RAB3GAP2: variants seen among roughly 807,000 people sequenced by gnomAD.
RAB3GAP2 encodes RAB3 GTPase activating non-catalytic protein subunit 2.
In RAB3GAP2, 87 loss-of-function variants were observed where a neutral mutation model predicts 185.3. The ratio of observed to expected loss-of-function variants is 0.47; its 90% confidence interval spans 0.39 to 0.56. The LOEUF (loss-of-function observed/expected upper bound fraction) is 0.56, where lower values mean the gene tolerates loss of function less well. RAB3GAP2 is among the 20% of genes least tolerant of loss of function. The pLI is 0.00. For missense variants in RAB3GAP2, 1,492 were observed against 1,638.2 expected, an observed-to-expected ratio of 0.91 and a Z score of 1.54; for synonymous variants, 554 against 576.1, an observed-to-expected ratio of 0.96 and a Z score of 0.55.
At chr1:220,159,970 T>C (rs1657935184) in intron 28 of RAB3GAP2, among the ~76,000 whole-genome samples, 2 of 151,982 alleles carry the variant, frequency 1.3e-5, no homozygotes, top group East Asian at 1.9e-4. Context: ...TGAGCCAAGA[T>C]TGTGCCACTG....
In RAB3GAP2 at chr1:220,213,736, G is replaced by GA. The variant is rs1418367107; in HGVS notation, c.304+119_304+120insT. The GA allele has an allele frequency of 8.5e-6, 8 of 943,918 alleles. No individual in the cohort carries two copies. In the African/African-American group the frequency reaches 1.0e-4, roughly 12 times the overall value. The allele number at this position is 943,918 out of a possible 1,614,324, so 58.5% of individuals were successfully genotyped here. A position where few individuals can be genotyped will look rare whatever the true frequency, so the allele number is the denominator to read the frequency against. On this transcript the variant is annotated intron_variant, in intron 3 of 34. Transcript: ENST00000358951. Reference sequence around the variant, plus strand: ...GGGAGGGGGCGGAGGAGGAGTTGGGGGGGGGGGGAGAGAGAGAGAAATAAA... The same window carrying GA: ...GGGAGGGGGCGGAGGAGGAGTTGGGGAGGGGGGGGAGAGAGAGAGAAATAAA...
chr1:220,149,023 T>C lies in RAB3GAP2; in HGVS notation c.*2228A>G, dbSNP rs1412552331. On this transcript the variant is annotated 3_prime_UTR_variant, in exon 35 of 35. Coordinates refer to ENST00000358951, the MANE Select transcript of RAB3GAP2 (RefSeq NM_012414.4). ...TGGCTTCTCATCAATAACTACAAAGTACCACATACCTTTGTTTCAGAAACC... is the reference window on the plus strand; with the variant it reads ...TGGCTTCTCATCAATAACTACAAAGCACCACATACCTTTGTTTCAGAAACC... 6.6e-6 allele frequency: 1 copy of C among 152,212 alleles called. No individual in the cohort carries two copies. Among genetic ancestry groups the C allele is most frequent in the East Asian group, 1.9e-4 (1 of 5,204 alleles). 9.4% of individuals were successfully genotyped at this position (152,212 alleles called of 1,614,324 possible).
intron 1 of RAB3GAP2, among the ~76,000 whole-genome samples, chr1:220,270,241 T>A (rs931913678): frequency 2.6e-5 from 4 of 152,234 alleles, no homozygotes; most frequent in Admixed American, 6.5e-5. Flanking sequence ...TTCTCAGTCT[T>A]CTTCCCAGTA....
rs1438141562 is a variant in RAB3GAP2, at chr1:220,267,592, T to G, written c.115+4631A>C. 36 of 1,367,902 alleles carry G rather than the reference T, an allele frequency of 2.6e-5. No individual in the cohort carries two copies. The East Asian group carries it at 8.0e-4, about 31-fold the overall frequency. 84.7% of individuals were successfully genotyped at this position (1,367,902 alleles called of 1,614,324 possible). A position where few individuals can be genotyped will look rare whatever the true frequency, so the allele number is the denominator to read the frequency against. On this transcript the variant is annotated intron_variant, in intron 1 of 34. Transcript: ENST00000358951. ...TTTGATGCCAGTTCCTCCTCAGGAT[T>G]ATTTTCAGGTGCCGACAGCGGGGAC...
In RAB3GAP2 at chr1:220,183,423, T is replaced by A. The variant is rs550080640; in HGVS notation, c.1999-492A>T. ...ACCACCACATCCAGCTAATTAAAAA[T>A]TTTTTTTTTTGTAGAGGCAGGGTCC... On this transcript the variant is annotated intron_variant, in intron 19 of 34. Transcript: ENST00000358951. Among the ~76,000 whole-genome samples, 130 of 147,892 alleles carry A rather than the reference T, an allele frequency of 8.8e-4. No homozygotes were observed. In the South Asian group the frequency reaches 9.1e-3, roughly 10 times the overall value.
chr1:220,219,126 C>T (rs1006820197), intron 2 of RAB3GAP2, among the ~76,000 whole-genome samples: 12 of 152,058 alleles, frequency 7.9e-5, no homozygotes, highest in African/African-American at 2.2e-4. Context: ...GGGAGAAATC[C>T]TCAGGTAAAT....
intron 2 of RAB3GAP2, among the ~76,000 whole-genome samples, chr1:220,229,668 GA>G (rs1193130639): frequency 1.3e-5 from 2 of 152,138 alleles, no homozygotes; most frequent in African/African-American, 4.8e-5. Context: ...ATCCATTACA[GA>G]AAAAGCCAAG....
At chr1:220,183,007 T>C (rs1441741975) in intron 19 of RAB3GAP2, 76 bp from the exon 20 acceptor site, 4 of 1,278,898 alleles carry the variant, frequency 3.1e-6, no homozygotes, top group East Asian at 2.4e-5. Flanking sequence ...TTCAAGGCTG[T>C]AAGCAAAAGT....
intron 33 of RAB3GAP2, among the ~76,000 whole-genome samples, chr1:220,152,445 G>A (rs984218972): frequency 6.6e-5 from 10 of 152,092 alleles, no homozygotes; most frequent in African/African-American, 1.9e-4. Context: ...GCCATGGCCC[G>A]GGCCAGCCTC....
chr1:220,175,800 C>T (rs747494017), intron 21 of RAB3GAP2, among the ~76,000 whole-genome samples: 1 of 152,176 alleles, frequency 6.6e-6, no homozygotes, highest in African/African-American at 2.4e-5. Context: ...TCTTATTTCT[C>T]CCTAGGTTAC....
At chr1:220,153,068 C>T (rs1024768667) in intron 33 of RAB3GAP2, 117 bp downstream of exon 33, 1 of 787,980 alleles carries the variant, frequency 1.3e-6, no homozygotes, top group African/African-American at 1.7e-5. Context: ...ATTTTTATAC[C>T]TAGATGTTCT....
At chr1:220,193,517 T>G in intron 12 of RAB3GAP2, 138 bp from the exon 13 acceptor site, 1 of 821,928 alleles carries the variant, frequency 1.2e-6, no homozygotes, top group Non-Finnish European at 1.9e-6. Flanking sequence ...GATTAATAGT[T>G]AATTTATTAA....
At chr1:220,157,755 T>C in intron 30 of RAB3GAP2, 47 bp downstream of exon 30, 2 of 1,445,688 alleles carry the variant, frequency 1.4e-6, no homozygotes. Flanking sequence ...TTGCAGAATA[T>C]GTAATATCTT....
intron 27 of RAB3GAP2, among the ~76,000 whole-genome samples, chr1:220,164,478 T>TG (rs1290942420): frequency 2.0e-5 from 3 of 147,086 alleles, no homozygotes; most frequent in African/African-American, 7.5e-5. Flanking sequence ...GTTTTGTTTT[T>TG]TTTTTTTTTT....
At chr1:220,241,566 A>G (rs1659698898) in intron 1 of RAB3GAP2, among the ~76,000 whole-genome samples, 1 of 152,106 alleles carries the variant, frequency 6.6e-6, no homozygotes, top group African/African-American at 2.4e-5. Context: ...CCAAGGCAAG[A>G]AAAGCATCAC....
chr1:220,226,679 C>T (rs1210828359), intron 2 of RAB3GAP2, among the ~76,000 whole-genome samples: 1 of 152,090 alleles, frequency 6.6e-6, no homozygotes, highest in African/African-American at 2.4e-5. Context: ...ATTGTATTTA[C>T]TTATAGGCAA....
intron 1 of RAB3GAP2, chr1:220,266,881 T>C: frequency 6.3e-7 from 1 of 1,595,706 alleles, no homozygotes; most frequent in South Asian, 1.1e-5. Context: ...GGAATGTGAA[T>C]TCTCAACCCG....
chr1:220,227,195 C>A (rs1395564428), intron 2 of RAB3GAP2, among the ~76,000 whole-genome samples: 1 of 152,236 alleles, frequency 6.6e-6, no homozygotes, highest in Admixed American at 6.5e-5. Context: ...GTCACAGAAA[C>A]TATTTAAAGC....
intron 1 of RAB3GAP2, among the ~76,000 whole-genome samples, chr1:220,249,422 G>T (rs1314112593): frequency 1.3e-5 from 2 of 152,118 alleles, no homozygotes; most frequent in African/African-American, 4.8e-5. Context: ...CCTAGAGGTT[G>T]GTGGAATTTT....
Sources: gnomAD v4.1 joint callset for allele counts (sites outside exome capture counted in the v4.1 genomes callset) on GRCh38, gnomAD v4.1.1 for gene constraint, MANE v1.5 for transcripts, NCBI Gene and HGNC (gene_info 2026-07-23, HGNC 2026-07-21) for gene names.